Variants in VPS13B observed in about 807,000 individuals in gnomAD.
The protein encoded by VPS13B is intermembrane lipid transfer protein VPS13B.
VPS13B carries 285 observed loss-of-function variants against 426.4 expected under a neutral mutation model. The ratio of observed to expected loss-of-function variants is 0.67; its 90% CI spans 0.61 to 0.74. The LOEUF (loss-of-function observed/expected upper bound fraction) is 0.74, where lower values mean the gene tolerates loss of function less well. Ranked by LOEUF, VPS13B falls within the 30% of genes least tolerant of loss-of-function variation. The pLI is 0.00. For missense variants in VPS13B, 4,537 were observed against 4,782.6 expected (o/e 0.95, Z 1.51); for synonymous variants, 1,676 against 1,676.4 (o/e 1.00, Z 0.01).
intron 19 of VPS13B, chr8:99,341,687 C>G (rs1811258116): frequency 2.0e-5 from 7 of 356,582 alleles, no homozygotes; most frequent in Admixed American, 2.0e-4. Flanking sequence ...AGCTTCCGTT[C>G]CAACTATTAA....
intron 19 of VPS13B, among the ~76,000 whole-genome samples, chr8:99,333,449 C>T (rs1216559729): frequency 2.0e-5 from 3 of 151,784 alleles, no homozygotes; most frequent in African/African-American, 7.2e-5. Context: ...TATACCACCC[C>T]AACCAGGATA....
intron 61 of VPS13B, 51 bp downstream of exon 61, chr8:99,871,748 G>A: frequency 6.2e-7 from 1 of 1,610,494 alleles, no homozygotes; most frequent in East Asian, 2.2e-5. Flanking sequence ...GGGAGGTTGA[G>A]GAGCAGGCTG....
At chr8:99,352,883 T>C (rs1811969498) in intron 19 of VPS13B, among the ~76,000 whole-genome samples, 1 of 152,144 alleles carries the variant, frequency 6.6e-6, no homozygotes. Context: ...AAGGGCAAAT[T>C]GTAAAAATTG....
intron 19 of VPS13B, among the ~76,000 whole-genome samples, chr8:99,289,545 A>T (rs1440459889): frequency 1.3e-5 from 2 of 152,138 alleles, no homozygotes; most frequent in Non-Finnish European, 2.9e-5. Context: ...GTTGACAGAG[A>T]TACAGGAAAT....
chr8:99,134,327 C>G (rs1308688562), intron 8 of VPS13B, among the ~76,000 whole-genome samples: 1 of 152,084 alleles, frequency 6.6e-6, no homozygotes, highest in African/African-American at 2.4e-5. Flanking sequence ...AAATTTTTGG[C>G]AGAATACATA....
chr8:99,041,024 GA>G (rs372725383), intron 3 of VPS13B, among the ~76,000 whole-genome samples: 1 of 152,240 alleles, frequency 6.6e-6, no homozygotes, highest in African/African-American at 2.4e-5. Context: ...CTTAGAAAAA[GA>G]GATTCATAAT....
intron 19 of VPS13B, among the ~76,000 whole-genome samples, chr8:99,336,398 A>AACCATG (rs1177959437): frequency 6.6e-6 from 1 of 152,192 alleles, no homozygotes; most frequent in Non-Finnish European, 1.5e-5. Flanking sequence ...TTAGACCTAA[A>AACCATG]ACCATGAAAA....
At chr8:99,360,166 CTTTCTTTCTT>C (rs1812447437) in intron 19 of VPS13B, among the ~76,000 whole-genome samples, 1 of 36,430 alleles carries the variant, frequency 2.7e-5, no homozygotes, top group Non-Finnish European at 4.9e-5. Flanking sequence ...TTCTTTCTTT[CTTTCTTTCTT>C]TCTTTCTTTC....
chr8:99,473,729 A>G (rs1349811613), intron 24 of VPS13B, among the ~76,000 whole-genome samples: 1 of 152,202 alleles, frequency 6.6e-6, no homozygotes, highest in Non-Finnish European at 1.5e-5. Flanking sequence ...AACTGTTTGC[A>G]TGTAACATAT....
intron 3 of VPS13B, among the ~76,000 whole-genome samples, chr8:99,068,780 A>G (rs1224918973): frequency 9.2e-5 from 14 of 152,184 alleles, no homozygotes; most frequent in Admixed American, 9.2e-4. Context: ...TCACGAGAAC[A>G]GCATGGGGGA....
At chr8:99,660,331 A>G (rs963681870) in intron 34 of VPS13B, among the ~76,000 whole-genome samples, 2 of 152,234 alleles carry the variant, frequency 1.3e-5, no homozygotes, top group African/African-American at 4.8e-5. Context: ...TATGTTGAAT[A>G]TAATACACTG....
Position 99,501,788 on chromosome 8 carries a change from A to T in VPS13B, c.3972A>T (p.Leu1324Phe). 1 of 1,614,142 alleles carries T rather than the reference A, an allele frequency of 6.2e-7. No homozygotes were observed. Among genetic ancestry groups the T allele is most frequent in the Non-Finnish European group, 8.5e-7 (1 of 1,180,018 alleles). The change falls in exon 26 of 62, where the codon TTA becomes TTT. Residue 1324 changes from leucine (L) to phenylalanine (F), a missense_variant. This residue lies in a region of VPS13B where 4,311 missense variants were observed against 4,474.3 expected (regional missense o/e 0.96). Coordinates refer to ENST00000357162, the MANE Select transcript of VPS13B (RefSeq NM_152564.5). ...NIGGTSGRVS[L>F]WMQWVLPKIT... ...GAGGAACCAGTGGACGTGTTAGTTT[A>T]TGGATGCAGTGGGTGCTTCCCAAAA...
At chr8:99,618,950 A>G (rs1828227783) in intron 33 of VPS13B, among the ~76,000 whole-genome samples, 1 of 151,972 alleles carries the variant, frequency 6.6e-6, no homozygotes, top group Non-Finnish European at 1.5e-5. Context: ...CTTTTCTCCT[A>G]ACTCTCTCTG....
At chr8:99,328,085 G>A (rs891030768) in intron 19 of VPS13B, among the ~76,000 whole-genome samples, 5 of 152,240 alleles carry the variant, frequency 3.3e-5, no homozygotes, top group East Asian at 3.9e-4. Context: ...TCATTACTGC[G>A]TGTACACCAT....
intron 19 of VPS13B, among the ~76,000 whole-genome samples, chr8:99,334,427 G>T (rs974688547): frequency 2.4e-4 from 37 of 152,200 alleles, no homozygotes; most frequent in Non-Finnish European, 4.9e-4. Flanking sequence ...TCCCTGTCTT[G>T]TGCCAGTTTT....
intron 3 of VPS13B, among the ~76,000 whole-genome samples, chr8:99,090,668 T>A (rs1489027793): frequency 2.0e-5 from 3 of 152,086 alleles, no homozygotes; most frequent in East Asian, 1.9e-4. Flanking sequence ...CTACTTTTTT[T>A]AAATTTTTTT....
chr8:99,758,751 T>C (rs1810765106), intron 39 of VPS13B, among the ~76,000 whole-genome samples: 1 of 152,150 alleles, frequency 6.6e-6, no homozygotes, highest in Admixed American at 6.5e-5. Context: ...CAGCCTTCCA[T>C]GCCCTTCCAC....
At chr8:99,281,515 C>T (rs4734429) in intron 19 of VPS13B, among the ~76,000 whole-genome samples, 10,077 of 152,236 alleles carry the variant, frequency 0.066, 477 homozygotes, top group African/African-American at 0.13. Flanking sequence ...TCCTTAACTT[C>T]GGGTTCATCT....
At chr8:99,415,597 G>A (rs114322177) in intron 21 of VPS13B, among the ~76,000 whole-genome samples, 1 of 152,110 alleles carries the variant, frequency 6.6e-6, no homozygotes, top group African/African-American at 2.4e-5. Context: ...TGGGGTTTCT[G>A]TGTCAATGTC....
Sources: gnomAD v4.1 joint callset for allele counts (sites outside exome capture counted in the v4.1 genomes callset) on GRCh38, gnomAD v4.1.1 for gene constraint, gnomAD v4.1.1 regional missense constraint, MANE v1.5 for transcripts, NCBI Gene and HGNC (gene_info 2026-07-23, HGNC 2026-07-21) for gene names.